ZNF844: variants seen among roughly 807,000 people sequenced by gnomAD.
The protein encoded by ZNF844 is zinc finger protein 844.
A neutral mutation model predicts 11.4 loss-of-function variants in ZNF844; 11 were observed. The observed-to-expected ratio is 0.97, with a 90% CI of 0.61 to 1.60. The LOEUF is 1.60. ZNF844 is among the 40% of genes most tolerant of loss of function. The pLI, the probability that ZNF844 is intolerant of heterozygous loss-of-function variation, is 0.00. For missense variants in ZNF844, 790 were observed against 796.8 expected, an observed-to-expected ratio of 0.99 and a Z score of 0.10; for synonymous variants, 248 against 260.3, an observed-to-expected ratio of 0.95 and a Z score of 0.46.
chr19:12,066,511 A>G (rs933389747), intron 1 of ZNF844, among the ~76,000 whole-genome samples: 5 of 148,104 alleles, frequency 3.4e-5, no homozygotes, highest in Admixed American at 6.7e-5. Context: ...TATCATTTAA[A>G]CTATAACATA....
chr19:12,073,727 G>A (rs145388707), intron 1 of ZNF844, among the ~76,000 whole-genome samples: 62 of 152,222 alleles, frequency 4.1e-4, no homozygotes, highest in African/African-American at 1.5e-3. Flanking sequence ...GTTATGACAG[G>A]TGCTATAGAC....
chr19:12,074,198 G>A (rs746106225), intron 2 of ZNF844, 41 bp downstream of exon 2: 46 of 1,610,782 alleles, frequency 2.9e-5, no homozygotes, highest in Non-Finnish European at 3.8e-5. Context: ...AATGAGACAA[G>A]TGTTTCTAGC....
intron 1 of ZNF844, among the ~76,000 whole-genome samples, chr19:12,068,883 A>G (rs1975721015): frequency 6.6e-6 from 1 of 152,134 alleles, no homozygotes; most frequent in Non-Finnish European, 1.5e-5. Context: ...ACTGCAAGCT[A>G]AGGTCAATCA....
At chr19:12,067,336 G>T (rs1975700495) in intron 1 of ZNF844, among the ~76,000 whole-genome samples, 1 of 152,078 alleles carries the variant, frequency 6.6e-6, no homozygotes, top group Non-Finnish European at 1.5e-5. Context: ...ATTAGGCCGG[G>T]TGCAGTGGCT....
chr19:12,076,114 TCTGGGAAAAAGCC>T lies in ZNF844; in HGVS notation c.998_1010del (p.Gly333ValfsTer19). On this transcript the variant is annotated frameshift_variant, in exon 4 of 4. Coordinates refer to ENST00000439326, the MANE Select transcript of ZNF844 (RefSeq NM_001136501.3). LOFTEE classifies it low-confidence loss of function (END_TRUNC). ...TCTTTGTAGACATGAAGTGACCCAC[TCTGGGAAAAAGCC>T]CTGTGAATGTAAACAATGTGGGAAA... 6.4e-7 allele frequency: 1 copy of T among 1,568,926 alleles called. No homozygotes were observed. Among genetic ancestry groups the T allele is most frequent in the Non-Finnish European group, 8.7e-7 (1 of 1,156,016 alleles).
At chr19:12,073,366 G>A (rs1599399983) in intron 1 of ZNF844, among the ~76,000 whole-genome samples, 2 of 152,128 alleles carry the variant, frequency 1.3e-5, no homozygotes, top group East Asian at 3.9e-4. Context: ...TCCATGTTGA[G>A]GCTGGTCTCG....
At chr19:12,065,843 C>T (rs1209091162) in intron 1 of ZNF844, among the ~76,000 whole-genome samples, 1 of 151,870 alleles carries the variant, frequency 6.6e-6, no homozygotes, top group Non-Finnish European at 1.5e-5. Flanking sequence ...CCGTGTTGGC[C>T]AAGGTGGTCT....
chr19:12,072,020 G>A (rs550893034), intron 1 of ZNF844, among the ~76,000 whole-genome samples: 2 of 151,946 alleles, frequency 1.3e-5, no homozygotes, highest in Admixed American at 1.3e-4. Context: ...CCAAGTAGCT[G>A]GGATTCCAGG....
At chr19:12,071,883 C>CT (rs533482850) in intron 1 of ZNF844, among the ~76,000 whole-genome samples, 18,048 of 139,164 alleles carry the variant, frequency 0.13, 1,707 homozygotes, top group African/African-American at 0.28. Context: ...AATTTTTTTT[C>CT]TTTTTTTTTT....
chr19:12,073,242 C>A (rs1975770667), intron 1 of ZNF844, among the ~76,000 whole-genome samples: 1 of 152,046 alleles, frequency 6.6e-6, no homozygotes, highest in Non-Finnish European at 1.5e-5. Context: ...TCACCGCAAC[C>A]TCCGCCTGCC....
rs993653907 is a variant in ZNF844 at position 12,064,964 on chromosome 19, G to A, written c.3+88G>A. 44 of 1,430,380 alleles carry A rather than the reference G, an allele frequency of 3.1e-5. No homozygotes were observed. In the Admixed American group the frequency reaches 9.9e-4, roughly 32 times the overall value. The allele number at this position is 1,430,380 out of a possible 1,614,324, so 88.6% of individuals were successfully genotyped here. On this transcript the variant is annotated intron_variant, in intron 1 of 3. Coordinates refer to ENST00000439326, the MANE Select transcript of ZNF844 (RefSeq NM_001136501.3). Reference sequence around the variant, plus strand: ...AACTGGCTGGAACCGGCTGTGCCGGGACCCGGACCTCCCCGCGGCGACTCG... The same window carrying A: ...AACTGGCTGGAACCGGCTGTGCCGGAACCCGGACCTCCCCGCGGCGACTCG...
chr19:12,068,707 G>A (rs1975719424), intron 1 of ZNF844, among the ~76,000 whole-genome samples: 1 of 152,240 alleles, frequency 6.6e-6, no homozygotes, highest in Admixed American at 6.5e-5. Context: ...ACAAATGTGT[G>A]TATTGTCTGA....
intron 1 of ZNF844, among the ~76,000 whole-genome samples, chr19:12,066,515 T>C (rs1473957957): frequency 6.7e-6 from 1 of 148,444 alleles, no homozygotes; most frequent in Non-Finnish European, 1.5e-5. Context: ...ATTTAAACTA[T>C]AACATAAATG....
rs1247182834 is a variant in ZNF844 at position 12,074,329 on chromosome 19, T to A, written c.131-32T>A. On this transcript the variant is annotated intron_variant, in intron 2 of 3. Transcript: ENST00000439326. ...TCATTTTTTCATAATTTTATTTTAA[T>A]TCAGGATTCTTTTTCTGATTCTGTA... is the stretch of plus-strand genomic sequence containing the variant. 5 of 1,500,254 alleles carry A rather than the reference T, an allele frequency of 3.3e-6. No individual in the cohort carries two copies. In the South Asian group the frequency reaches 6.4e-5, roughly 19 times the overall value. 92.9% of individuals were successfully genotyped at this position (1,500,254 alleles called of 1,614,324 possible). A position where few individuals can be genotyped will look rare whatever the true frequency, so the allele number is the denominator to read the frequency against.
In ZNF844 at chr19:12,077,017, A is replaced by G; in HGVS notation, c.1897A>G (p.Lys633Glu). The change falls in exon 4 of 4, where the codon AAA (lysine) becomes GAA (glutamate). Residue 633 changes from lysine to glutamate, a missense_variant. Lys to Glu is a moderately conservative substitution (Grantham distance 56). Around this residue, in one of 3 missense-constraint regions of ZNF844, gnomAD observed 657 missense variants for 636.2 expected, o/e 1.03. Coordinates refer to ENST00000439326, the MANE Select transcript of ZNF844 (RefSeq NM_001136501.3). Reference sequence around the variant, plus strand: ...TATTTTTCTTCTTTGCGTATACACAAAAGGATGCACACTGGAGAGAAACCA... The same window carrying G: ...TATTTTTCTTCTTTGCGTATACACAGAAGGATGCACACTGGAGAGAAACCA... Reference protein sequence around the residue: ...SIIFLLCVYTKGCTLERNHIN... With the variant: ...SIIFLLCVYTEGCTLERNHIN... 1 of 1,596,894 alleles carries G rather than the reference A, an allele frequency of 6.3e-7. No homozygotes were observed. Among genetic ancestry groups the G allele is most frequent in the Non-Finnish European group, 8.5e-7 (1 of 1,171,064 alleles).
Position 12,075,720 on chromosome 19 carries a change from G to A in ZNF844, c.600G>A (p.Lys200=). 7 of 1,613,962 alleles carry A rather than the reference G, an allele frequency of 4.3e-6. No individual in the cohort carries two copies. The highest frequency in any genetic ancestry group is 5.9e-6 in the Non-Finnish European group (7 of 1,179,970). Residue 200 remains lysine, a synonymous_variant, in exon 4 of 4, where the codon AAG becomes AAA. Coordinates refer to ENST00000439326, the MANE Select transcript of ZNF844 (RefSeq NM_001136501.3). ...ATGGAGATGGAACTTATAAATGTAA[G>A]TTTTGTGGGAAAGCCTGCCCTTGTC... ...MHNGDGTYKC[K]FCGKACPCLS...
rs769051255 is a variant in ZNF844, at chr19:12,076,144, T to C, written c.1024T>C (p.Cys342Arg). The change falls in exon 4 of 4, where the codon TGT becomes CGT. Residue 342 changes from cysteine (C) to arginine (R), a missense_variant. Physicochemically the swap from Cys to Arg is radical, Grantham distance 180. This residue lies in a region of ZNF844 where 657 missense variants were observed against 636.2 expected (regional missense o/e 1.03). Transcript: ENST00000439326. ...GAAAAAGCCCTGTGAATGTAAACAA[T>C]GTGGGAAAGCATTATCTTATCTTAA... ...SGKKPCECKQCGKALSYLNFQ... is the reference protein window; with the variant it reads ...SGKKPCECKQRGKALSYLNFQ... 1.3e-6 allele frequency: 2 copies of C among 1,575,782 alleles called. No homozygotes were observed. The highest frequency in any genetic ancestry group is 1.4e-5 in the African/African-American group (1 of 73,408).
At chr19:12,075,098 A>C (rs1975792464) in intron 3 of ZNF844, among the ~76,000 whole-genome samples, 1 of 152,174 alleles carries the variant, frequency 6.6e-6, no homozygotes, top group Non-Finnish European at 1.5e-5. Context: ...AGATATACCT[A>C]ATGCTAAATG....
chr19:12,069,999 G>A (rs1975736595), intron 1 of ZNF844, among the ~76,000 whole-genome samples: 1 of 150,250 alleles, frequency 6.7e-6, no homozygotes, highest in Admixed American at 6.6e-5. Context: ...GCTCATGCCT[G>A]TAATCCCAGC....
Sources: gnomAD v4.1 joint callset for allele counts (sites outside exome capture counted in the v4.1 genomes callset) on GRCh38, gnomAD v4.1.1 for gene constraint, gnomAD v4.1.1 regional missense constraint, MANE v1.5 for transcripts, NCBI Gene and HGNC (gene_info 2026-07-23, HGNC 2026-07-21) for gene names.